Variants in FAM210A observed in about 807,000 individuals in gnomAD.
FAM210A encodes the protein family with sequence similarity 210 member A.
A neutral mutation model predicts 25.3 loss-of-function variants in FAM210A; 13 were observed. The ratio of observed to expected loss-of-function variants is 0.51; its 90% confidence interval spans 0.33 to 0.82. The LOEUF (loss-of-function observed/expected upper bound fraction) is 0.82, where lower values mean the gene tolerates loss of function less well. FAM210A is among the 40% of genes least tolerant of loss of function. The pLI, the probability that FAM210A is intolerant of heterozygous loss-of-function variation, is 0.02. For synonymous variants in FAM210A, 125 were observed against 118.7 expected (o/e 1.05, Z -0.35); for missense variants, 319 against 323.2 (o/e 0.99, Z 0.10).
chr18:13,722,557 T>C (rs1229225989), intron 1 of FAM210A, among the ~76,000 whole-genome samples: 1 of 152,136 alleles, frequency 6.6e-6, no homozygotes, highest in East Asian at 1.9e-4. Context: ...GAGTTTAACA[T>C]CCCCAGCTTC....
Position 13,695,300 on chromosome 18 carries a change from G to A in FAM210A, c.-28-13195C>T, listed in dbSNP as rs540482678. Among the ~76,000 whole-genome samples, 219 of 152,366 alleles carry A rather than the reference G, an allele frequency of 1.4e-3. 1 individual carries two copies. Among genetic ancestry groups the A allele is most frequent in the African/African-American group, 4.9e-3 (202 of 41,590 alleles). ...ACTAGTTCAACCATTGTGGAAGACA[G>A]TGTGGCGATTCCTCAAGGATCTAGG... On this transcript the variant is annotated intron_variant, in intron 1 of 3. Transcript: ENST00000651643.
chr18:13,668,212 C>G (rs2043416230), intron 3 of FAM210A, among the ~76,000 whole-genome samples: 1 of 152,242 alleles, frequency 6.6e-6, no homozygotes, highest in African/African-American at 2.4e-5. Context: ...ACAGTGACCT[C>G]TACAAAACTA....
intron 3 of FAM210A, among the ~76,000 whole-genome samples, chr18:13,670,033 C>T (rs1287465063): frequency 6.6e-6 from 1 of 152,140 alleles, no homozygotes; most frequent in Admixed American, 6.5e-5. Context: ...CACTCATCTC[C>T]CTACCATGAC....
intron 1 of FAM210A, among the ~76,000 whole-genome samples, chr18:13,725,760 G>A (rs544916595): frequency 6.6e-6 from 1 of 152,114 alleles, no homozygotes; most frequent in African/African-American, 2.4e-5. Flanking sequence ...GAAATCTGGG[G>A]TGATGGCCAA....
intron 3 of FAM210A, among the ~76,000 whole-genome samples, chr18:13,669,101 C>T (rs1227574163): frequency 1.3e-5 from 2 of 152,184 alleles, no homozygotes; most frequent in Admixed American, 6.5e-5. Flanking sequence ...CAGAAAACCC[C>T]AGCAACCACG....
rs1366988508 is a variant in FAM210A, at chr18:13,713,580, G to A, written c.-29+12749C>T. Among the ~76,000 whole-genome samples the A allele has an allele frequency of 2.0e-5, 3 of 152,190 alleles. No homozygotes were observed. The East Asian group carries it at 5.8e-4, about 29-fold the overall frequency. On this transcript the variant is annotated intron_variant, in intron 1 of 3. Coordinates refer to ENST00000651643, the MANE Select transcript of FAM210A (RefSeq NM_152352.4). ...TCTGAAGGTAATGCCTGGTGAGTGAGCACAGACCATCAAACGATGTCTGAG... is the reference window on the plus strand; with the variant it reads ...TCTGAAGGTAATGCCTGGTGAGTGAACACAGACCATCAAACGATGTCTGAG...
Position 13,671,890 on chromosome 18 carries a change from T to C in FAM210A, c.557A>G (p.Asn186Ser). 6.2e-7 allele frequency: 1 copy of C among 1,613,646 alleles called. No homozygotes were observed. Among genetic ancestry groups the C allele is most frequent in the South Asian group, 1.1e-5 (1 of 91,060 alleles). Residue 186 changes from asparagine to serine, a missense_variant, in exon 3 of 4, where the codon AAT becomes AGT. Coordinates refer to ENST00000651643, the MANE Select transcript of FAM210A (RefSeq NM_152352.4). ...AAACAAGGCATATGCTGTGAGGGCA[T>C]TTCCACTCTGGGAGTTTTTCAGGAT... ...VSILKNSQSG[N>S]ALTAYALFKI...
chr18:13,695,559 T>C (rs1267088191), intron 1 of FAM210A, among the ~76,000 whole-genome samples: 2 of 152,166 alleles, frequency 1.3e-5, no homozygotes, highest in East Asian at 3.9e-4. Flanking sequence ...TTAACGTCCT[T>C]TGTAGGGACA....
chr18:13,682,221 A>G, intron 1 of FAM210A, 116 bp from the exon 2 acceptor site: 1 of 691,916 alleles, frequency 1.4e-6, no homozygotes, highest in South Asian at 2.0e-5. Context: ...ACTGCTACAT[A>G]ATCCACAAAA....
At chr18:13,686,531 A>ATTTAC (rs1314824668) in intron 1 of FAM210A, among the ~76,000 whole-genome samples, 1 of 152,158 alleles carries the variant, frequency 6.6e-6, no homozygotes, top group Non-Finnish European at 1.5e-5. Flanking sequence ...GCTGCTAGTA[A>ATTTAC]GTGTGTATAT....
At chr18:13,666,883 G>A (rs753768225) in intron 3 of FAM210A, among the ~76,000 whole-genome samples, 170 bp from the exon 4 acceptor site, 16 of 152,176 alleles carry the variant, frequency 1.1e-4, no homozygotes, top group African/African-American at 3.4e-4. Flanking sequence ...CCTAACAAGA[G>A]ATATTTCTTC....
In FAM210A at chr18:13,664,260, A is replaced by C. The variant is rs1464394223; in HGVS notation, c.*2220T>G. ...ATGAAACTGGATGGCAACAAAACTC[A>C]AATGGACTAACAAAAGATGTCTATG... On this transcript the variant is annotated 3_prime_UTR_variant, in exon 4 of 4. Transcript: ENST00000651643. 1 of 152,258 alleles carries C rather than the reference A, an allele frequency of 6.6e-6. No homozygotes were observed. Among genetic ancestry groups the C allele is most frequent in the East Asian group, 1.9e-4 (1 of 5,198 alleles). 9.4% of individuals were successfully genotyped at this position (152,258 alleles called of 1,614,324 possible).
In FAM210A at chr18:13,683,003, G is replaced by A. The variant is rs118016591; in HGVS notation, c.-28-898C>T. 7.5e-3 allele frequency among the ~76,000 whole-genome samples: 1,147 copies of A among 152,216 alleles called. 8 individuals carry two copies. The highest frequency in any genetic ancestry group is 0.041 in the Middle Eastern group (12 of 294). On this transcript the variant is annotated intron_variant, in intron 1 of 3. Transcript: ENST00000651643. Reference sequence around the variant, plus strand: ...TATAGAAGCAGTGTAGTATAGTGGGGGAAAAAATAAGATCTGGGTTCTGAT... The same window carrying A: ...TATAGAAGCAGTGTAGTATAGTGGGAGAAAAAATAAGATCTGGGTTCTGAT...
chr18:13,674,968 A>G (rs1214763199), intron 2 of FAM210A, among the ~76,000 whole-genome samples: 5 of 146,320 alleles, frequency 3.4e-5, no homozygotes, highest in Non-Finnish European at 6.0e-5. Context: ...GATTATTAAC[A>G]TTCCTGAGCC....
chr18:13,709,514 T>C (rs1356930623), intron 1 of FAM210A, among the ~76,000 whole-genome samples: 1 of 152,250 alleles, frequency 6.6e-6, no homozygotes, highest in Non-Finnish European at 1.5e-5. Flanking sequence ...AAGCCTACCT[T>C]GACCATCTTA....
At chr18:13,715,566 T>C (rs1443568377) in intron 1 of FAM210A, among the ~76,000 whole-genome samples, 1 of 152,214 alleles carries the variant, frequency 6.6e-6, no homozygotes, top group African/African-American at 2.4e-5. Context: ...ACTTTCATTA[T>C]ACTGTGAGAT....
chr18:13,691,830 A>G (rs12961871), intron 1 of FAM210A, among the ~76,000 whole-genome samples: 20,809 of 27,754 alleles, frequency 0.75, 8,699 homozygotes, highest in East Asian at 0.91. Flanking sequence ...GAGGCTAGGA[A>G]GAAACTGCAT....
chr18:13,664,615 T>C lies in FAM210A; in HGVS notation c.*1865A>G, dbSNP rs1224536470. ...TGTATCAGGAGACAGCGGTGCTGCC[T>C]GCCCAAGACTGCAGAGAGCAGAGAC... On this transcript the variant is annotated 3_prime_UTR_variant, in exon 4 of 4. Coordinates refer to ENST00000651643, the MANE Select transcript of FAM210A (RefSeq NM_152352.4). The C allele has an allele frequency of 6.6e-6, 1 of 152,226 alleles. No individual in the cohort carries two copies. The highest frequency in any genetic ancestry group is 1.5e-5 in the Non-Finnish European group (1 of 68,024). 9.4% of individuals were successfully genotyped at this position (152,226 alleles called of 1,614,324 possible).
At chr18:13,685,686 C>A (rs2043591212) in intron 1 of FAM210A, among the ~76,000 whole-genome samples, 1 of 152,198 alleles carries the variant, frequency 6.6e-6, no homozygotes, top group South Asian at 2.1e-4. Context: ...CATATACTGA[C>A]TGATGTCTTA....
Sources: allele counts gnomAD v4.1 joint callset (sites outside exome capture counted in the v4.1 genomes callset), GRCh38; gene constraint gnomAD v4.1.1; transcripts MANE v1.5; gene names NCBI Gene and HGNC (gene_info 2026-07-23, HGNC 2026-07-21).